The following KIFBP variants were observed in gnomAD, a reference collection of about 807,000 sequenced individuals.
KIFBP encodes the protein kinesin family binding protein.
A neutral mutation model predicts 58.9 loss-of-function variants in KIFBP; 46 were observed. The ratio of observed to expected loss-of-function variants is 0.78; its 90% CI spans 0.62 to 1.00. The LOEUF is 1.00. Among genes scored for constraint, KIFBP ranks in the 50% least tolerant of loss-of-function variants. The pLI, the probability that KIFBP is intolerant of heterozygous loss-of-function variation, is 0.00. For missense variants in KIFBP, 651 were observed against 752.9 expected (o/e 0.86, Z 1.58); for synonymous variants, 241 against 283.4 (o/e 0.85, Z 1.50).
At chr10:69,010,016 T>C (rs1843574716) in intron 5 of KIFBP, among the ~76,000 whole-genome samples, 1 of 152,130 alleles carries the variant, frequency 6.6e-6, no homozygotes, top group Admixed American at 6.6e-5. Context: ...AATTATAGAT[T>C]AGTTGAAGTC....
chr10:69,000,576 G>A (rs1339260882), intron 2 of KIFBP, 54 bp downstream of exon 2: 7 of 1,096,502 alleles, frequency 6.4e-6, no homozygotes, highest in African/African-American at 1.5e-5. Context: ...GTTAAGAATT[G>A]ATAGTAAGAA....
At chr10:69,004,513 T>C (rs1843510295) in intron 2 of KIFBP, among the ~76,000 whole-genome samples, 1 of 152,200 alleles carries the variant, frequency 6.6e-6, no homozygotes, top group African/African-American at 2.4e-5. Flanking sequence ...GACATTTGGT[T>C]AAAACAAATA....
intron 6 of KIFBP, 167 bp downstream of exon 6, chr10:69,011,182 T>TG: frequency 1.6e-6 from 1 of 619,094 alleles, no homozygotes; most frequent in Non-Finnish European, 2.9e-6. Flanking sequence ...TTCTTCGAAT[T>TG]GCTTGAATCC....
intron 4 of KIFBP, chr10:69,007,557 A>G (rs1329302979): frequency 1.3e-5 from 2 of 152,186 alleles, no homozygotes; most frequent in Non-Finnish European, 2.9e-5. Flanking sequence ...ATAGAGAGAT[A>G]ATTAAAGTTT....
chr10:69,016,025 CTGA>C lies in KIFBP; in HGVS notation c.1476_1478del (p.Asp493del). 2 of 1,614,144 alleles carry C rather than the reference CTGA, an allele frequency of 1.2e-6. No homozygotes were observed. Among genetic ancestry groups the C allele is most frequent in the Non-Finnish European group, 1.7e-6 (2 of 1,180,024 alleles). On this transcript the variant is annotated inframe_deletion, in exon 7 of 7. Transcript: ENST00000361983. Reference sequence around the variant, plus strand: ...ATGATGGATTTGAAGGTTGCCATTGCTGACAGGCTAAGGGATCCTGATTCACAC... The same window carrying C: ...ATGATGGATTTGAAGGTTGCCATTGCCAGGCTAAGGGATCCTGATTCACAC...
chr10:69,016,458 T>A lies in KIFBP; in HGVS notation c.*42T>A. ...AAGGAAATGTGCAATATTGAAGTGA[T>A]CTTTTTCCCTAGTCAGACAGGCCCA... On this transcript the variant is annotated 3_prime_UTR_variant, in exon 7 of 7. Coordinates refer to ENST00000361983, the MANE Select transcript of KIFBP (RefSeq NM_015634.4). The A allele has an allele frequency of 6.2e-7, 1 of 1,603,092 alleles. No individual in the cohort carries two copies. The highest frequency in any genetic ancestry group is 8.5e-7 in the Non-Finnish European group (1 of 1,171,568).
At chr10:69,015,115 A>G (rs987141047) in intron 6 of KIFBP, among the ~76,000 whole-genome samples, 1 of 152,038 alleles carries the variant, frequency 6.6e-6, no homozygotes, top group Non-Finnish European at 1.5e-5. Flanking sequence ...GTAGAGACAG[A>G]GTTTCACTAT....
At chr10:69,007,657 G>A (rs1453862729) in intron 4 of KIFBP, 1 of 152,150 alleles carries the variant, frequency 6.6e-6, no homozygotes, top group African/African-American at 2.4e-5. Flanking sequence ...CACGTGTCCA[G>A]CTATTCTCAA....
chr10:69,004,252 G>T (rs892729478), intron 2 of KIFBP, among the ~76,000 whole-genome samples: 3 of 150,138 alleles, frequency 2.0e-5, no homozygotes, highest in Non-Finnish European at 3.0e-5. Context: ...ACTTAAAGAG[G>T]CTGGGCACCT....
At position 69,015,884 on chromosome 10, in the gene KIFBP, A is replaced by C; in HGVS notation, c.1334A>C (p.Lys445Thr). 6.2e-7 allele frequency: 1 copy of C among 1,614,160 alleles called. No homozygotes were observed. The highest frequency in any genetic ancestry group is 1.3e-5 in the African/African-American group (1 of 75,040). ...FFETDMERRC[K>T]MHKRRIAMLE... ...GAAACTGACATGGAGAGACGGTGCA[A>C]GATGCATAAACGCAGAATAGCCATG... The change falls in exon 7 of 7, where the codon AAG (lysine) becomes ACG (threonine). Residue 445 changes from lysine to threonine, a missense_variant. By Grantham distance (78) the Lys-to-Thr change is moderately conservative. Transcript: ENST00000361983.
rs201076497 is a variant in KIFBP, at chr10:69,010,988, C to T, written c.963C>T (p.Leu321=). 170 of 1,613,672 alleles carry T rather than the reference C, an allele frequency of 1.1e-4. No individual in the cohort carries two copies. The highest frequency in any genetic ancestry group is 1.7e-5 in the Admixed American group (1 of 59,996). ...GCTGGATCAAATACTGTTTGACTCT[C>T]ATGCAGAATGCCCAACTCTCCATGC... The part of the protein sequence containing the change: ...ARCWIKYCLT[L]MQNAQLSMQD... The change falls in exon 6 of 7, where the codon CTC becomes CTT. Residue 321 remains leucine, a synonymous_variant. Transcript: ENST00000361983.
At chr10:69,004,763 CTGAGGTAGGAGGATTGCT>C (rs996921932) in intron 2 of KIFBP, among the ~76,000 whole-genome samples, 4 of 152,018 alleles carry the variant, frequency 2.6e-5, no homozygotes, top group Admixed American at 1.3e-4. Context: ...ACTCAGGAGG[CTGAGGTAGGAGGATTGCT>C]TGAGGTGGGA....
chr10:69,012,529 T>C (rs571458612), intron 6 of KIFBP, among the ~76,000 whole-genome samples: 45 of 152,150 alleles, frequency 3.0e-4, no homozygotes, highest in South Asian at 1.9e-3. Context: ...TTTTTTTACA[T>C]GGGACTCTGC....
At chr10:68,994,843 C>G (rs1843387535) in intron 1 of KIFBP, among the ~76,000 whole-genome samples, 1 of 151,496 alleles carries the variant, frequency 6.6e-6, no homozygotes. Flanking sequence ...CCTTTGTAGT[C>G]CCTCCCTCTC....
intron 5 of KIFBP, among the ~76,000 whole-genome samples, chr10:69,010,243 G>A (rs1467942641): frequency 6.6e-6 from 1 of 152,118 alleles, no homozygotes; most frequent in Non-Finnish European, 1.5e-5. Flanking sequence ...TTGGCTGTAT[G>A]TTGTGAATTA....
At position 69,013,159 on chromosome 10, in the gene KIFBP, C is replaced by T. The variant is rs184859979; in HGVS notation, c.990+2144C>T. Among the ~76,000 whole-genome samples the T allele has an allele frequency of 2.2e-4, 33 of 152,278 alleles. 1 individual carries two copies. Among genetic ancestry groups the T allele is most frequent in the Non-Finnish European group, 1.5e-4 (10 of 68,020 alleles). The stretch of plus-strand genomic sequence containing the variant: ...AAATCTGCCCCCAGTGATCCAGTCA[C>T]CTCCCACCAGGTCCCTCCTCCAATT... On this transcript the variant is annotated intron_variant, in intron 6 of 6. Transcript: ENST00000361983.
At chr10:69,012,295 T>C (rs1843603323) in intron 6 of KIFBP, among the ~76,000 whole-genome samples, 1 of 152,182 alleles carries the variant, frequency 6.6e-6, no homozygotes. Context: ...TCAGTATATA[T>C]TAAGGCCTCG....
At chr10:68,998,280 A>G (rs936952037) in intron 1 of KIFBP, among the ~76,000 whole-genome samples, 4 of 152,182 alleles carry the variant, frequency 2.6e-5, no homozygotes, top group Admixed American at 2.6e-4. Flanking sequence ...AATGTGTGAT[A>G]TAGTAATATA....
chr10:68,989,457 C>T (rs1843317227), intron 1 of KIFBP, 199 bp downstream of exon 1: 2 of 621,164 alleles, frequency 3.2e-6, no homozygotes, highest in Non-Finnish European at 5.6e-6. Context: ...ACTAGATCTC[C>T]CACAGTCGGC....
Sources: allele counts gnomAD v4.1 joint callset (sites outside exome capture counted in the v4.1 genomes callset), GRCh38; gene constraint gnomAD v4.1.1; transcripts MANE v1.5; gene names NCBI Gene and HGNC (gene_info 2026-07-23, HGNC 2026-07-21).